Variants in WDR11 observed in about 807,000 individuals in gnomAD.
WDR11 encodes the protein WD repeat-containing protein 11.
A neutral mutation model predicts 151.2 loss-of-function variants in WDR11; 83 were observed. That is an observed-to-expected ratio of 0.55 (90% CI 0.46 to 0.66). The LOEUF (loss-of-function observed/expected upper bound fraction) is 0.66. Ranked by LOEUF, WDR11 falls within the 30% of genes least tolerant of loss-of-function variation. The pLI is 0.00. For missense variants in WDR11, 1,301 were observed against 1,480.9 expected, an observed-to-expected ratio of 0.88 and a Z score of 1.99; for synonymous variants, 484 against 533.1, an observed-to-expected ratio of 0.91 and a Z score of 1.27.
At chr10:120,880,799 C>T (rs1318016312) in intron 12 of WDR11, 27 bp from the exon 13 acceptor site, 13 of 1,577,136 alleles carry the variant, frequency 8.2e-6, no homozygotes, top group Non-Finnish European at 1.1e-5. Context: ...GCACTGTTCT[C>T]ACTTTTTTAA....
At chr10:120,884,022 G>A in intron 14 of WDR11, 134 bp downstream of exon 14, 16 of 714,682 alleles carry the variant, frequency 2.2e-5, no homozygotes, top group Non-Finnish European at 3.6e-5. Flanking sequence ...CAGAGAAGAT[G>A]ATCTAAATAA....
At chr10:120,906,558 A>G in intron 27 of WDR11, 1 of 1,408,796 alleles carries the variant, frequency 7.1e-7, no homozygotes, top group Non-Finnish European at 9.2e-7. Context: ...ACTATTTCAC[A>G]ATTTTTTAAA....
At chr10:120,861,402 A>G (rs1243059729) in intron 4 of WDR11, among the ~76,000 whole-genome samples, 1 of 152,192 alleles carries the variant, frequency 6.6e-6, no homozygotes, top group Non-Finnish European at 1.5e-5. Context: ...TCACCAGTTT[A>G]CTTACTCACA....
At chr10:120,889,828 A>C in intron 17 of WDR11, 67 bp from the exon 18 acceptor site, 2 of 1,058,660 alleles carry the variant, frequency 1.9e-6, no homozygotes, top group Non-Finnish European at 1.5e-6. Context: ...GAGAGATGTT[A>C]GACATAGCTT....
intron 19 of WDR11, among the ~76,000 whole-genome samples, chr10:120,894,156 A>G (rs1177068665): frequency 6.6e-6 from 1 of 152,110 alleles, no homozygotes; most frequent in African/African-American, 2.4e-5. Context: ...TAGGTCTAAC[A>G]TGTAAGTCTT....
rs373579273 is a variant in WDR11 at position 120,864,749 on chromosome 10, TTATTA to T, written c.714-291_714-287del. Among the ~76,000 whole-genome samples the T allele has an allele frequency of 1.8e-3, 281 of 152,324 alleles. 2 individuals are homozygous for T. Among genetic ancestry groups the T allele is most frequent in the African/African-American group, 6.3e-3 (264 of 41,576 alleles). On this transcript the variant is annotated intron_variant, in intron 5 of 28. Transcript: ENST00000263461. ...AAAACTGTCTTATGCATGCCAGCTA[TTATTA>T]TATTATCATTTACCATGTCTTGTGT...
At chr10:120,869,830 A>G (rs1846467299) in intron 9 of WDR11, among the ~76,000 whole-genome samples, 1 of 151,666 alleles carries the variant, frequency 6.6e-6, no homozygotes, top group African/African-American at 2.4e-5. Context: ...TCGCTCTGTC[A>G]CCAGGCTGGA....
intron 24 of WDR11, 68 bp from the exon 25 acceptor site, chr10:120,904,578 T>A: frequency 6.3e-7 from 1 of 1,589,944 alleles, no homozygotes; most frequent in African/African-American, 1.3e-5. Flanking sequence ...TTTTCTACCT[T>A]ATGAATTTTA....
chr10:120,865,968 G>A (rs1846297586), intron 7 of WDR11, among the ~76,000 whole-genome samples: 1 of 150,618 alleles, frequency 6.6e-6, no homozygotes, highest in Non-Finnish European at 1.5e-5. Flanking sequence ...AAAATTTTGT[G>A]TTTCTTGATC....
chr10:120,905,556 T>C (rs1848006211), intron 26 of WDR11, 140 bp downstream of exon 26: 1 of 912,686 alleles, frequency 1.1e-6, no homozygotes, highest in African/African-American at 1.7e-5. Context: ...CTTTATCCTT[T>C]TCCTATTCTT....
At chr10:120,861,373 C>A (rs2133737346) in intron 4 of WDR11, among the ~76,000 whole-genome samples, 1 of 152,294 alleles carries the variant, frequency 6.6e-6, no homozygotes, top group South Asian at 2.1e-4. Context: ...TGGACGTGTG[C>A]ATACATACAC....
chr10:120,851,695 A>G, intron 1 of WDR11, 189 bp downstream of exon 1: 1 of 657,092 alleles, frequency 1.5e-6, no homozygotes, highest in East Asian at 2.7e-5. Flanking sequence ...CCCGTGTGGG[A>G]AATTCCCCCA....
intron 2 of WDR11, among the ~76,000 whole-genome samples, chr10:120,855,322 A>G (rs1315292711): frequency 6.6e-6 from 1 of 152,192 alleles, no homozygotes; most frequent in Non-Finnish European, 1.5e-5. Context: ...ATGGAACAGG[A>G]CAGTGGGAGA....
chr10:120,872,324 G>T (rs1300379294), intron 10 of WDR11, among the ~76,000 whole-genome samples: 2 of 152,118 alleles, frequency 1.3e-5, no homozygotes, highest in Non-Finnish European at 2.9e-5. Flanking sequence ...AGAAACTGTT[G>T]ATTAATATTT....
chr10:120,891,126 C>G (rs547612852), intron 19 of WDR11, among the ~76,000 whole-genome samples: 27 of 152,240 alleles, frequency 1.8e-4, no homozygotes, highest in African/African-American at 6.0e-4. Context: ...CCTTTTGACT[C>G]TTTTCTTTGG....
At position 120,908,719 on chromosome 10, in the gene WDR11, T is replaced by G. The variant is rs1564729312; in HGVS notation, c.*6T>G. 8 of 1,613,882 alleles carry G rather than the reference T, an allele frequency of 5.0e-6. No individual in the cohort carries two copies. Among genetic ancestry groups the G allele is most frequent in the Non-Finnish European group, 5.9e-6 (7 of 1,179,998 alleles). ...AAGAACCCATTGAAGAGTGACAGCT[T>G]AATAAATGCCAGGGAATCTGACCTG... On this transcript the variant is annotated 3_prime_UTR_variant, in exon 29 of 29. Coordinates refer to ENST00000263461, the MANE Select transcript of WDR11 (RefSeq NM_018117.12).
rs777062468 is a variant in WDR11 at position 120,904,757 on chromosome 10, C to T, written c.3139C>T (p.Gln1047Ter). Residue 1047 changes from glutamine (Q) to a stop codon, truncating the protein, a stop_gained, in exon 25 of 29, where the codon CAG (glutamine) becomes TAG (stop). Transcript: ENST00000263461. LOFTEE classifies it high-confidence loss of function. ...VTTVTSSGPSQSTIKLVATNM... is the reference protein window; with the variant it reads ...VTTVTSSGPS The stretch of plus-strand genomic sequence containing the variant: ...TACTGTCACCTCGTCAGGCCCCTCT[C>T]AGAGCACCATTAAGTTGGTGGCAAC... 2 of 1,614,046 alleles carry T rather than the reference C, an allele frequency of 1.2e-6. No individual in the cohort carries two copies. Among genetic ancestry groups the T allele is most frequent in the Non-Finnish European group, 1.7e-6 (2 of 1,180,034 alleles).
intron 19 of WDR11, 115 bp from the exon 20 acceptor site, chr10:120,899,911 AGTT>A (rs778467308): frequency 8.8e-6 from 7 of 793,222 alleles, no homozygotes; most frequent in Admixed American, 4.0e-5. Context: ...ATATACTCTC[AGTT>A]GTTCCAGATT....
chr10:120,884,734 A>G (rs912987509), intron 14 of WDR11, among the ~76,000 whole-genome samples: 1 of 152,208 alleles, frequency 6.6e-6, no homozygotes, highest in African/African-American at 2.4e-5. Flanking sequence ...TTTAACTAGA[A>G]ACTCCTGCAA....
Sources: allele counts gnomAD v4.1 joint callset (sites outside exome capture counted in the v4.1 genomes callset), GRCh38; gene constraint gnomAD v4.1.1; transcripts MANE v1.5; gene names NCBI Gene and HGNC (gene_info 2026-07-23, HGNC 2026-07-21).